Variants in MMP24 observed in about 807,000 individuals in gnomAD.
MMP24 encodes matrix metalloproteinase-24.
In MMP24, 25 loss-of-function variants were observed where a neutral mutation model predicts 62.8. The ratio of observed to expected loss-of-function variants is 0.40; its 90% CI spans 0.29 to 0.56. The LOEUF is 0.56. MMP24 is among the 20% of genes least tolerant of loss of function. The probability of loss-of-function intolerance (pLI) is 0.50; values close to 1 mark genes in which losing one functional copy is unlikely to be tolerated. For synonymous variants in MMP24, 319 were observed against 350.5 expected, an observed-to-expected ratio of 0.91 and a Z score of 1.00; for missense variants, 634 against 853.6, an observed-to-expected ratio of 0.74 and a Z score of 3.21.
In MMP24 at chr20:35,274,209, C is replaced by T; in HGVS notation, c.1601-63C>T. On this transcript the variant is annotated intron_variant, in intron 8 of 8. Coordinates refer to ENST00000246186, the MANE Select transcript of MMP24 (RefSeq NM_006690.4). This position sits in a 1 kb window ranked among gnomAD's most constrained non-coding sequence, Gnocchi z 5.1. ...CACAGTGCCTGTGCCCTCCTTTTCA[C>T]ACTGCCCCAGAGCAGGTGCCGGAAG... is the stretch of plus-strand genomic sequence containing the variant. 6.7e-7 allele frequency: 1 copy of T among 1,492,676 alleles called. No homozygotes were observed. The highest frequency in any genetic ancestry group is 1.4e-5 in the African/African-American group (1 of 72,864). 92.5% of individuals were successfully genotyped at this position (1,492,676 alleles called of 1,614,324 possible).
intron 1 of MMP24, among the ~76,000 whole-genome samples, chr20:35,245,808 C>CAA (rs763638366): frequency 9.8e-5 from 11 of 112,408 alleles, no homozygotes; most frequent in Non-Finnish European, 1.9e-4. Flanking sequence ...TCACCTGGGC[C>CAA]AAAAAAAAAA....
At chr20:35,247,069 C>A in intron 2 of MMP24, 81 bp downstream of exon 2, 1 of 1,483,138 alleles carries the variant, frequency 6.7e-7, no homozygotes, top group Middle Eastern at 1.7e-4. Flanking sequence ...CTGTGTACAC[C>A]CCATGCCCAT....
intron 3 of MMP24, among the ~76,000 whole-genome samples, chr20:35,253,930 T>C (rs1365614828): frequency 6.8e-6 from 1 of 147,166 alleles, no homozygotes; most frequent in Non-Finnish European, 1.5e-5. Context: ...AGTGCAGTGG[T>C]GCAATCTTGG....
At chr20:35,247,435 C>T (rs548057129) in intron 2 of MMP24, among the ~76,000 whole-genome samples, 15 of 151,958 alleles carry the variant, frequency 9.9e-5, no homozygotes, top group South Asian at 6.2e-4. Flanking sequence ...GCCTGTCATC[C>T]GGCCCTCCAG....
chr20:35,265,934 T>C (rs1021007826), intron 5 of MMP24, among the ~76,000 whole-genome samples: 6 of 152,022 alleles, frequency 3.9e-5, no homozygotes, highest in African/African-American at 1.4e-4. Context: ...TGAGCCTGGA[T>C]GAGACCACCT....
intron 4 of MMP24, among the ~76,000 whole-genome samples, chr20:35,262,431 G>A (rs1478184128): frequency 6.6e-6 from 1 of 151,518 alleles, no homozygotes; most frequent in East Asian, 1.9e-4. Context: ...TAAGTGCTGT[G>A]CTTTTAGATA....
At position 35,274,706 on chromosome 20, in the gene MMP24, G is replaced by C. The variant is rs2060693979; in HGVS notation, c.*97G>C. 1 of 1,096,050 alleles carries C rather than the reference G, an allele frequency of 9.1e-7. No homozygotes were observed. The highest frequency in any genetic ancestry group is 1.3e-6 in the Non-Finnish European group (1 of 772,570). 67.9% of individuals were successfully genotyped at this position (1,096,050 alleles called of 1,614,324 possible). A position where few individuals can be genotyped will look rare whatever the true frequency, so the allele number is the denominator to read the frequency against. ...CTCTGGCCAGTGCTCACCAGGGCCAGCAGGGCCCTAGGCTGGGGTCGTACA... is the reference window on the plus strand; with the variant it reads ...CTCTGGCCAGTGCTCACCAGGGCCACCAGGGCCCTAGGCTGGGGTCGTACA... On this transcript the variant is annotated 3_prime_UTR_variant, in exon 9 of 9. Transcript: ENST00000246186. This position sits in a 1 kb window ranked among gnomAD's most constrained non-coding sequence, Gnocchi z 5.1.
intron 1 of MMP24, among the ~76,000 whole-genome samples, chr20:35,244,629 G>A (rs1260765191): frequency 1.3e-5 from 2 of 151,974 alleles, no homozygotes; most frequent in Non-Finnish European, 2.9e-5. Context: ...TAGTAGAGAC[G>A]GGGTTTCACC....
At position 35,272,046 on chromosome 20, in the gene MMP24, C is replaced by T. The variant is rs1000483531; in HGVS notation, c.1600+211C>T. ...CTTTTTCATCTGCAGGAATGATTCA[C>T]GGCAGAGAGACGTTGTCATAGACTG... is the stretch of plus-strand genomic sequence containing the variant. On this transcript the variant is annotated intron_variant, in intron 8 of 8. Transcript: ENST00000246186. 2.1e-5 allele frequency: 13 copies of T among 614,782 alleles called. 1 individual carries two copies. The highest frequency in any genetic ancestry group is 1.2e-4 in the South Asian group (6 of 49,280). The allele number at this position is 614,782 out of a possible 1,614,324, so 38.1% of individuals were successfully genotyped here.
At chr20:35,243,905 C>T (rs1028177546) in intron 1 of MMP24, among the ~76,000 whole-genome samples, 1 of 152,150 alleles carries the variant, frequency 6.6e-6, no homozygotes, top group Non-Finnish European at 1.5e-5. Flanking sequence ...TCTGTGCCAT[C>T]ATTTGGAATG....
At chr20:35,246,730 C>T (rs1418420834) in intron 1 of MMP24, 110 bp from the exon 2 acceptor site, 5 of 1,279,284 alleles carry the variant, frequency 3.9e-6, no homozygotes, top group Non-Finnish European at 4.5e-6. Flanking sequence ...GAGCATGAGT[C>T]CAGGAGTCAC....
intron 1 of MMP24, among the ~76,000 whole-genome samples, chr20:35,245,454 C>CT (rs879641853): frequency 5.9e-4 from 86 of 145,324 alleles, no homozygotes; most frequent in Middle Eastern, 3.5e-3. Flanking sequence ...ATGTATATTT[C>CT]TTTTTTTTTT....
Position 35,268,935 on chromosome 20 carries a change from G to A in MMP24, c.1195-825G>A, listed in dbSNP as rs189403065. 3.9e-5 allele frequency among the ~76,000 whole-genome samples: 6 copies of A among 152,086 alleles called. No individual in the cohort carries two copies. In the East Asian group the frequency reaches 1.2e-3, roughly 29 times the overall value. ...CCAGCTACTCAGGAGGCTGAGGCAG[G>A]AGAATAGCATGAACCTGGGAGGCGG... On this transcript the variant is annotated intron_variant, in intron 6 of 8. Coordinates refer to ENST00000246186, the MANE Select transcript of MMP24 (RefSeq NM_006690.4).
At chr20:35,267,834 G>C (rs117517547) in intron 6 of MMP24, 21 of 241,198 alleles carry the variant, frequency 8.7e-5, no homozygotes, top group Non-Finnish European at 1.6e-4. Context: ...GGCTGAGTCT[G>C]ACTCCAGACC....
intron 5 of MMP24, among the ~76,000 whole-genome samples, chr20:35,265,441 C>G (rs1171934913): frequency 4.8e-5 from 6 of 125,928 alleles, no homozygotes; most frequent in African/African-American, 1.7e-4. Context: ...GACTCCGTCT[C>G]AAAAAAAAAA....
At position 35,276,921 on chromosome 20, in the gene MMP24, A is replaced by C. The variant is rs2060712317; in HGVS notation, c.*2312A>C. The C allele has an allele frequency of 6.5e-6, 1 of 152,784 alleles. No homozygotes were observed. Among genetic ancestry groups the C allele is most frequent in the Non-Finnish European group, 1.5e-5 (1 of 68,118 alleles). 9.5% of individuals were successfully genotyped at this position (152,784 alleles called of 1,614,324 possible). A position where few individuals can be genotyped will look rare whatever the true frequency, so the allele number is the denominator to read the frequency against. ...AGCCTGGGGGACATCACAGCATTTCAGTGTCAGTCACATTTTAAACTGATC... is the reference window on the plus strand; with the variant it reads ...AGCCTGGGGGACATCACAGCATTTCCGTGTCAGTCACATTTTAAACTGATC... On this transcript the variant is annotated 3_prime_UTR_variant, in exon 9 of 9. Transcript: ENST00000246186.
Position 35,267,258 on chromosome 20 carries a change from C to G in MMP24, c.1033C>G (p.Arg345Gly). 1.2e-6 allele frequency: 2 copies of G among 1,606,620 alleles called. No individual in the cohort carries two copies. Among genetic ancestry groups the G allele is most frequent in the Non-Finnish European group, 1.7e-6 (2 of 1,176,878 alleles). Residue 345 changes from arginine to glycine, a missense_variant, in exon 6 of 9, where the codon CGC becomes GGC. Transcript: ENST00000246186. ...PTRPLPTLPV[R>G]RIHSPSERKH... ...AAGGCCACTCCCTACACTCCCCGTC[C>G]GCAGGATCCACTCACCATCGGAGAG...
intron 1 of MMP24, among the ~76,000 whole-genome samples, chr20:35,232,657 A>G (rs1022723336): frequency 6.6e-5 from 10 of 152,132 alleles, no homozygotes; most frequent in African/African-American, 2.4e-4. Flanking sequence ...AAAAATATGA[A>G]CCATGGCTCC....
intron 2 of MMP24, among the ~76,000 whole-genome samples, chr20:35,248,332 G>T (rs2060526698): frequency 7.7e-6 from 1 of 129,148 alleles, no homozygotes; most frequent in Admixed American, 8.1e-5. Context: ...ATGAGATGAA[G>T]TCTCGATCTG....
Sources: gnomAD v4.1 joint callset for allele counts (sites outside exome capture counted in the v4.1 genomes callset) on GRCh38, gnomAD v4.1.1 for gene constraint, Gnocchi (gnomAD v3.1) non-coding constraint, MANE v1.5 for transcripts, NCBI Gene and HGNC (gene_info 2026-07-23, HGNC 2026-07-21) for gene names.